The following FERRY3 variants were observed in gnomAD, a reference collection of about 807,000 sequenced individuals.
FERRY3 encodes FERRY endosomal RAB5 effector complex subunit 3, also known as protein C12orf4.
the FERRY3 span, among the ~76,000 whole-genome samples, chr12:4,498,235 A>G: frequency 6.6e-6 from 1 of 152,196 alleles, no homozygotes; most frequent in Non-Finnish European, 1.5e-5. Flanking sequence ...CCACCTACAT[A>G]TAACCATTTT....
chr12:4,517,259 A>C, the FERRY3 span: 5 of 1,332,836 alleles, frequency 3.8e-6, no homozygotes, highest in Non-Finnish European at 3.9e-6. Context: ...ACTTACAATG[A>C]GATTTAGTAG....
chr12:4,497,389 T>C, the FERRY3 span, among the ~76,000 whole-genome samples: 1 of 152,216 alleles, frequency 6.6e-6, no homozygotes, highest in African/African-American at 2.4e-5. Flanking sequence ...AGGTGGCTGC[T>C]GGGTGCTGGT....
At chr12:4,498,358 GTTAGTGATGATGATTTAAC>G in the FERRY3 span, among the ~76,000 whole-genome samples, 1 of 152,164 alleles carries the variant, frequency 6.6e-6, no homozygotes, top group Non-Finnish European at 1.5e-5. Context: ...AGATAGACTA[GTTAGTGATGATGATTTAAC>G]AATAGCTAAA....
At chr12:4,518,159 A>T in the FERRY3 span, 1 of 1,614,106 alleles carries the variant, frequency 6.2e-7, no homozygotes, top group Non-Finnish European at 8.5e-7. Context: ...GAGCCGATGA[A>T]GTTTCACACC....
chr12:4,526,399 AAAATTG>A, the FERRY3 span, among the ~76,000 whole-genome samples: 1 of 152,242 alleles, frequency 6.6e-6, no homozygotes, highest in Non-Finnish European at 1.5e-5. Context: ...GTTCACTTAA[AAAATTG>A]AAATTAAAGA....
At chr12:4,534,091 C>T in the FERRY3 span, 6 of 1,467,534 alleles carry the variant, frequency 4.1e-6, no homozygotes, top group Non-Finnish European at 5.5e-6. Context: ...ATTACCACAG[C>T]ATTTTAAAAA....
At chr12:4,487,838 G>A in the FERRY3 span, 1 of 151,830 alleles carries the variant, frequency 6.6e-6, no homozygotes, top group Non-Finnish European at 1.5e-5. Context: ...TCAGCCCAAG[G>A]TACCTTCTTC....
the FERRY3 span, among the ~76,000 whole-genome samples, chr12:4,504,054 G>A: frequency 3.9e-5 from 6 of 152,168 alleles, no homozygotes; most frequent in Admixed American, 3.3e-4. Flanking sequence ...AACAGCATGT[G>A]GTGATGCTAA....
At chr12:4,513,304 T>C in the FERRY3 span, among the ~76,000 whole-genome samples, 3 of 151,448 alleles carry the variant, frequency 2.0e-5, no homozygotes, top group African/African-American at 4.9e-5. Flanking sequence ...ATCGTGAAAA[T>C]GGCCATACTG....
the FERRY3 span, among the ~76,000 whole-genome samples, chr12:4,528,930 CACACACACAA>C: frequency 1.5e-3 from 221 of 144,266 alleles, 1 homozygote; most frequent in Admixed American, 3.1e-3. Flanking sequence ...CACACACACA[CACACACACAA>C]ACAAAAGTGA....
At chr12:4,533,967 C>T in the FERRY3 span, 1 of 471,880 alleles carries the variant, frequency 2.1e-6, no homozygotes, top group Non-Finnish European at 3.5e-6. Flanking sequence ...AAAGGTATTA[C>T]ATAAATAGCA....
At chr12:4,520,720 G>C in the FERRY3 span, among the ~76,000 whole-genome samples, 1 of 152,172 alleles carries the variant, frequency 6.6e-6, no homozygotes, top group Non-Finnish European at 1.5e-5. Context: ...CACCACTCAA[G>C]AACTTATTTG....
chr12:4,516,145 A>G, the FERRY3 span, among the ~76,000 whole-genome samples: 4 of 152,182 alleles, frequency 2.6e-5, no homozygotes, highest in Non-Finnish European at 5.9e-5. Context: ...ATTTTGTGCT[A>G]CCTTTTAGTC....
chr12:4,534,428 GTC>G, the FERRY3 span: 33 of 1,062,954 alleles, frequency 3.1e-5, no homozygotes, highest in Non-Finnish European at 3.6e-5. Flanking sequence ...TAGAGATGGG[GTC>G]TCTCTCTCTG....
the FERRY3 span, among the ~76,000 whole-genome samples, chr12:4,492,972 G>A: frequency 6.6e-6 from 1 of 151,818 alleles, no homozygotes; most frequent in Non-Finnish European, 1.5e-5. Flanking sequence ...CCTAAACATG[G>A]TCTGCAATGC....
At chr12:4,533,198 A>G in the FERRY3 span, among the ~76,000 whole-genome samples, 1 of 152,174 alleles carries the variant, frequency 6.6e-6, no homozygotes, top group Non-Finnish European at 1.5e-5. Context: ...CTGTAAGTGG[A>G]GAAGCATCTG....
At chr12:4,508,137 T>C in the FERRY3 span, among the ~76,000 whole-genome samples, 1 of 152,182 alleles carries the variant, frequency 6.6e-6, no homozygotes, top group Non-Finnish European at 1.5e-5. Flanking sequence ...ATAGCCACAT[T>C]CTAGCTACGG....
the FERRY3 span, among the ~76,000 whole-genome samples, chr12:4,509,995 G>A: frequency 1.5e-5 from 2 of 137,048 alleles, no homozygotes; most frequent in African/African-American, 3.2e-5. Flanking sequence ...TGAAAACTTT[G>A]AAAAAAATTT....
At chr12:4,536,724 G>C in the FERRY3 span, among the ~76,000 whole-genome samples, 1 of 152,168 alleles carries the variant, frequency 6.6e-6, no homozygotes, top group Non-Finnish European at 1.5e-5. Context: ...ACACAGAAAA[G>C]AGAGAGTACA....
Sources: allele counts gnomAD v4.1 joint callset (sites outside exome capture counted in the v4.1 genomes callset), GRCh38; gene constraint gnomAD v4.1.1; transcripts MANE v1.5; gene names NCBI Gene and HGNC (gene_info 2026-07-23, HGNC 2026-07-21).